The following RBFOX1 variants were observed in gnomAD, a reference collection of about 807,000 sequenced individuals.
RBFOX1 encodes RNA binding fox-1 homolog 1.
A neutral mutation model predicts 57.7 loss-of-function variants in RBFOX1; 8 were observed. That is an observed-to-expected ratio of 0.14 (90% CI 0.08 to 0.25). RBFOX1 has a LOEUF of 0.25. Ranked by LOEUF, RBFOX1 falls within the 10% of genes least tolerant of loss-of-function variation. The pLI is 1.00. For missense variants in RBFOX1, 611 were observed against 548.5 expected (o/e 1.11, Z -1.14); for synonymous variants, 326 against 222.4 (o/e 1.47, Z -4.15).
intron 3 of RBFOX1, among the ~76,000 whole-genome samples, chr16:5,641,031 C>T (rs528646287): frequency 6.6e-6 from 1 of 151,070 alleles, no homozygotes; most frequent in African/African-American, 2.4e-5. Flanking sequence ...CATGCATAAA[C>T]ACCCATGCAC....
chr16:5,566,061 A>ACTTTCGC (rs1442077162), intron 2 of RBFOX1, among the ~76,000 whole-genome samples: 10 of 152,048 alleles, frequency 6.6e-5, no homozygotes, highest in African/African-American at 4.8e-5. Flanking sequence ...ATGAGATGTG[A>ACTTTCGC]CTTTCGCCTT....
intron 4 of RBFOX1, among the ~76,000 whole-genome samples, chr16:7,230,314 C>G (rs1374080447): frequency 6.6e-6 from 1 of 152,090 alleles, no homozygotes; most frequent in East Asian, 1.9e-4. Context: ...GGCAAAACAT[C>G]AATAATTCAA....
intron 4 of RBFOX1, among the ~76,000 whole-genome samples, chr16:7,263,195 G>A (rs567897130): frequency 6.6e-6 from 1 of 152,148 alleles, no homozygotes; most frequent in African/African-American, 2.4e-5. Context: ...CCACTTGATG[G>A]CAGAGCCGTG....
chr16:7,565,027 A>G (rs2091337677), intron 5 of RBFOX1, among the ~76,000 whole-genome samples: 2 of 152,102 alleles, frequency 1.3e-5, no homozygotes, highest in East Asian at 3.9e-4. Context: ...TGATTAACTT[A>G]TTTGTTTGCC....
intron 4 of RBFOX1, among the ~76,000 whole-genome samples, chr16:7,463,246 G>A (rs576562510): frequency 5.9e-5 from 9 of 152,254 alleles, no homozygotes; most frequent in South Asian, 4.1e-4. Flanking sequence ...GCTCACCCCT[G>A]TAATCCCAGC....
intron 2 of RBFOX1, among the ~76,000 whole-genome samples, chr16:6,468,729 C>T (rs1024416473): frequency 6.6e-6 from 1 of 152,116 alleles, no homozygotes; most frequent in South Asian, 2.1e-4. Context: ...GCTTCTCTTG[C>T]TCAGTCCTCT....
chr16:7,248,923 A>G (rs1014912399), intron 4 of RBFOX1, among the ~76,000 whole-genome samples: 17 of 152,332 alleles, frequency 1.1e-4, no homozygotes, highest in Non-Finnish European at 2.1e-4. Flanking sequence ...CCATCGCCCA[A>G]GAAAGGCGGG....
intron 4 of RBFOX1, among the ~76,000 whole-genome samples, chr16:7,122,313 A>G (rs78370546): frequency 0.012 from 1,828 of 152,274 alleles, 16 homozygotes; most frequent in Non-Finnish European, 0.019. Flanking sequence ...AAGAAAGCAA[A>G]CAAACTATCT....
intron 4 of RBFOX1, among the ~76,000 whole-genome samples, chr16:7,340,625 C>T (rs1405027635): frequency 6.6e-6 from 1 of 152,120 alleles, no homozygotes; most frequent in African/African-American, 2.4e-5. Flanking sequence ...GATTCATGAT[C>T]CATGCAGCCA....
chr16:5,419,495 T>G (rs2067251745), intron 1 of RBFOX1, among the ~76,000 whole-genome samples: 1 of 152,010 alleles, frequency 6.6e-6, no homozygotes, highest in Non-Finnish European at 1.5e-5. Flanking sequence ...CCTTTCCCAG[T>G]CCACTGGCAC....
At chr16:6,576,400 C>G (rs1022100793) in intron 2 of RBFOX1, among the ~76,000 whole-genome samples, 10 of 152,208 alleles carry the variant, frequency 6.6e-5, no homozygotes, top group African/African-American at 1.4e-4. Context: ...AAGATGCCAA[C>G]TCCACATAGT....
At chr16:6,425,041 T>C (rs543777749) in intron 2 of RBFOX1, among the ~76,000 whole-genome samples, 14 of 152,338 alleles carry the variant, frequency 9.2e-5, no homozygotes, top group Admixed American at 6.5e-4. Context: ...ATATTTTCAC[T>C]ATGTGTTGTT....
chr16:6,620,337 A>C (rs960641891), intron 2 of RBFOX1, among the ~76,000 whole-genome samples: 3 of 152,224 alleles, frequency 2.0e-5, no homozygotes, highest in Non-Finnish European at 4.4e-5. Context: ...TCTGAGACGC[A>C]GCTAAGGCAG....
At chr16:5,599,096 G>A in exon 3 of RBFOX1, 1 of 867,358 alleles carries the variant, frequency 1.2e-6, no homozygotes, top group South Asian at 1.4e-5. Flanking sequence ...AATTAACTGG[G>A]TTTGAGGGGA....
chr16:7,020,736 C>G (rs151182466), intron 3 of RBFOX1, among the ~76,000 whole-genome samples: 43 of 152,206 alleles, frequency 2.8e-4, no homozygotes, highest in African/African-American at 8.4e-4. Flanking sequence ...GTCCTTCCCT[C>G]TGAGAACCAT....
chr16:7,559,485 A>G (rs910283720), intron 5 of RBFOX1, among the ~76,000 whole-genome samples: 7 of 152,214 alleles, frequency 4.6e-5, no homozygotes, highest in African/African-American at 9.6e-5. Context: ...CCTTAAAAAT[A>G]TAAAAGTCTT....
At chr16:6,306,670 C>T (rs1345215643) in intron 1 of RBFOX1, among the ~76,000 whole-genome samples, 2 of 152,164 alleles carry the variant, frequency 1.3e-5, no homozygotes, top group East Asian at 3.9e-4. Context: ...TGGGAAGGAG[C>T]ATTTTCATCT....
chr16:7,634,794 C>T (rs17144416), intron 11 of RBFOX1, among the ~76,000 whole-genome samples: 6,213 of 152,286 alleles, frequency 0.041, 174 homozygotes, highest in South Asian at 0.12. Context: ...CATCCTCTTA[C>T]ACGTCCTAAT....
chr16:6,335,450 C>A (rs765787504), intron 2 of RBFOX1, among the ~76,000 whole-genome samples: 12 of 152,008 alleles, frequency 7.9e-5, no homozygotes, highest in Admixed American at 7.9e-4. Context: ...TTTCTTTAAC[C>A]ATGTTCATCA....
Sources: allele counts gnomAD v4.1 joint callset (sites outside exome capture counted in the v4.1 genomes callset), GRCh38; gene constraint gnomAD v4.1.1; transcripts MANE v1.5; gene names NCBI Gene and HGNC (gene_info 2026-07-23, HGNC 2026-07-21).